The following FRMPD4 variants were observed in gnomAD, a reference collection of about 807,000 sequenced individuals.
FRMPD4 encodes FERM and PDZ domain containing 4.
FRMPD4 carries 22 observed loss-of-function variants against 94.1 expected under a neutral mutation model. The observed-to-expected ratio is 0.23, with a 90% CI of 0.17 to 0.33. The LOEUF (loss-of-function observed/expected upper bound fraction) is 0.33. Ranked by LOEUF, FRMPD4 falls within the 10% of genes least tolerant of loss-of-function variation. FRMPD4 has a pLI of 1.00. For missense variants in FRMPD4, 1,111 were observed against 1,339.9 expected (o/e 0.83, Z 2.67); for synonymous variants, 631 against 548.6 (o/e 1.15, Z -2.10).
intron 3 of FRMPD4, among the ~76,000 whole-genome samples, chrX:11,916,790 C>A (rs952395886): frequency 9.0e-6 from 1 of 111,620 alleles, no homozygotes; most frequent in South Asian, 3.8e-4. Context: ...GAAGAGGGGA[C>A]GAGACCATGT....
intron 2 of FRMPD4, among the ~76,000 whole-genome samples, chrX:12,590,587 A>G (rs1011310306): frequency 8.9e-6 from 1 of 112,344 alleles, no homozygotes; most frequent in Non-Finnish European, 1.9e-5. Flanking sequence ...GTTGAATTGA[A>G]CCTTAAAAAC....
intron 1 of FRMPD4, among the ~76,000 whole-genome samples, chrX:12,198,871 C>T: frequency 8.9e-6 from 1 of 111,963 alleles, no homozygotes; most frequent in Admixed American, 9.5e-5. Context: ...GACAAGTTTG[C>T]CAGACTGACA....
intron 3 of FRMPD4, among the ~76,000 whole-genome samples, chrX:12,088,317 G>A (rs1258807860): frequency 9.0e-6 from 1 of 111,478 alleles, no homozygotes; most frequent in Non-Finnish European, 1.9e-5. Flanking sequence ...AGATCTCTGA[G>A]ACCTCTTTTA....
At chrX:11,847,720 A>G in intron 1 of FRMPD4, among the ~76,000 whole-genome samples, 1 of 110,059 alleles carries the variant, frequency 9.1e-6, no homozygotes, top group Non-Finnish European at 1.9e-5. Context: ...TGATGAGCTA[A>G]TGTCCTTTGT....
intron 1 of FRMPD4, among the ~76,000 whole-genome samples, chrX:12,482,199 T>G (rs1034095369): frequency 3.3e-4 from 36 of 110,660 alleles, no homozygotes; most frequent in African/African-American, 1.1e-3. Flanking sequence ...AAGAGCCAGC[T>G]GTATTCACAG....
At chrX:12,499,527 C>T (rs2057893302) in intron 2 of FRMPD4, among the ~76,000 whole-genome samples, 1 of 112,040 alleles carries the variant, frequency 8.9e-6, no homozygotes, top group East Asian at 2.8e-4. Context: ...TTGCCAGTTC[C>T]TCCCTCCCCT....
chrX:12,092,611 G>A (rs1008650980), intron 3 of FRMPD4, among the ~76,000 whole-genome samples: 6 of 111,528 alleles, frequency 5.4e-5, no homozygotes, highest in Non-Finnish European at 9.4e-5. Flanking sequence ...TAGAGTAGTA[G>A]CCAAAAGGCC....
intron 4 of FRMPD4, among the ~76,000 whole-genome samples, chrX:12,645,711 C>T (rs1217125515): frequency 9.0e-6 from 1 of 111,346 alleles, no homozygotes; most frequent in Non-Finnish European, 1.9e-5. Flanking sequence ...CCTTACCTCC[C>T]TATAGGACAT....
chrX:12,028,450 A>G (rs947646107), intron 3 of FRMPD4, among the ~76,000 whole-genome samples: 1 of 110,641 alleles, frequency 9.0e-6, no homozygotes, highest in African/African-American at 3.3e-5. Flanking sequence ...AGAGTGGTAC[A>G]TTTGTTACAA....
chrX:11,825,563 G>A (rs1181834846), intron 1 of FRMPD4, among the ~76,000 whole-genome samples: 1 of 108,994 alleles, frequency 9.2e-6, no homozygotes, highest in East Asian at 2.9e-4. Context: ...TTGGACTTCT[G>A]TAAATGTTTA....
At chrX:11,958,747 T>C (rs2054269051) in intron 3 of FRMPD4, among the ~76,000 whole-genome samples, 1 of 112,198 alleles carries the variant, frequency 8.9e-6, no homozygotes, top group Admixed American at 9.5e-5. Context: ...GAACCCATTA[T>C]CTTCTTTATA....
intron 4 of FRMPD4, among the ~76,000 whole-genome samples, chrX:12,615,747 A>G (rs1475822316): frequency 9.0e-6 from 1 of 111,258 alleles, no homozygotes; most frequent in Non-Finnish European, 1.9e-5. Context: ...CCTAACATTT[A>G]TGCTCACTCA....
At chrX:12,342,963 C>G (rs1322789865) in intron 1 of FRMPD4, among the ~76,000 whole-genome samples, 2 of 111,923 alleles carry the variant, frequency 1.8e-5, no homozygotes, top group Non-Finnish European at 3.8e-5. Flanking sequence ...AATGAGGAAG[C>G]CTGGTTTCCG....
chrX:12,539,769 G>A (rs1196597883), intron 2 of FRMPD4, among the ~76,000 whole-genome samples: 5 of 110,659 alleles, frequency 4.5e-5, no homozygotes, highest in Admixed American at 1.9e-4. Context: ...TAGTAGCTGC[G>A]ACTACAGGCA....
chrX:12,199,239 G>A (rs1450943874), intron 1 of FRMPD4, among the ~76,000 whole-genome samples: 1 of 70,796 alleles, frequency 1.4e-5, no homozygotes, highest in Admixed American at 1.8e-4. Context: ...AAAGGAAAAT[G>A]TGTGTGTGTG....
chrX:11,873,676 C>T (rs1310165493), intron 2 of FRMPD4, among the ~76,000 whole-genome samples: 2 of 105,634 alleles, frequency 1.9e-5, no homozygotes, highest in Admixed American at 1.0e-4. Flanking sequence ...TCTATAGACT[C>T]GACGCAATCT....
At chrX:12,306,595 G>T (rs1226389399) in intron 1 of FRMPD4, among the ~76,000 whole-genome samples, 2 of 112,301 alleles carry the variant, frequency 1.8e-5, no homozygotes, top group Non-Finnish European at 3.8e-5. Flanking sequence ...TGATTTGCCA[G>T]ATTCTCCCAC....
intron 2 of FRMPD4, among the ~76,000 whole-genome samples, chrX:12,522,621 G>C (rs1348789379): frequency 4.2e-5 from 1 of 24,043 alleles, no homozygotes; most frequent in African/African-American, 2.7e-4. Flanking sequence ...TTTTTCTTTT[G>C]AGACAGAGTC....
intron 5 of FRMPD4, 80 bp downstream of exon 5, chrX:12,674,988 T>C (rs2059883380): frequency 1.5e-6 from 1 of 650,975 alleles, no homozygotes; most frequent in South Asian, 2.3e-5. Flanking sequence ...AAAACCATAA[T>C]GATGAATAAC....
Sources: allele counts gnomAD v4.1 joint callset (sites outside exome capture counted in the v4.1 genomes callset), GRCh38; gene constraint gnomAD v4.1.1; transcripts MANE v1.5; gene names NCBI Gene and HGNC (gene_info 2026-07-23, HGNC 2026-07-21).